The following BNC2 variants were observed in gnomAD, a reference collection of about 807,000 sequenced individuals.
BNC2 encodes the protein basonuclin zinc finger protein 2.
A neutral mutation model predicts 76.3 loss-of-function variants in BNC2; 20 were observed. The ratio of observed to expected loss-of-function variants is 0.26; its 90% CI spans 0.18 to 0.38. The LOEUF (loss-of-function observed/expected upper bound fraction) is 0.38, where lower values mean the gene tolerates loss of function less well. Ranked by LOEUF, BNC2 falls within the 10% of genes least tolerant of loss-of-function variation. The probability of loss-of-function intolerance (pLI) is 1.00; values close to 1 mark genes in which losing one functional copy is unlikely to be tolerated. For synonymous variants in BNC2, 582 were observed against 514.8 expected, an observed-to-expected ratio of 1.13 and a Z score of -1.77; for missense variants, 1,382 against 1,399.8, an observed-to-expected ratio of 0.99 and a Z score of 0.20.
intron 3 of BNC2, among the ~76,000 whole-genome samples, chr9:16,708,502 G>C (rs1037797934): frequency 6.6e-6 from 1 of 152,068 alleles, no homozygotes; most frequent in African/African-American, 2.4e-5. Context: ...GCAGTTAACA[G>C]ACACCAACCC....
chr9:16,787,878 T>C (rs181824822), intron 1 of BNC2, among the ~76,000 whole-genome samples: 6 of 152,244 alleles, frequency 3.9e-5, no homozygotes, highest in Admixed American at 3.3e-4. Flanking sequence ...AAGCACAGAA[T>C]TATTTCCTTA....
At chr9:16,669,150 A>G (rs1300483376) in intron 3 of BNC2, among the ~76,000 whole-genome samples, 1 of 152,226 alleles carries the variant, frequency 6.6e-6, no homozygotes, top group Non-Finnish European at 1.5e-5. Flanking sequence ...TTATAATGTA[A>G]CTATAAGTTG....
At chr9:16,817,542 G>A (rs1818215227) in intron 1 of BNC2, among the ~76,000 whole-genome samples, 1 of 152,154 alleles carries the variant, frequency 6.6e-6, no homozygotes, top group African/African-American at 2.4e-5. Flanking sequence ...AATAAAAAAG[G>A]TGAAGAGGCA....
chr9:16,522,807 A>G (rs1454608893), intron 5 of BNC2, among the ~76,000 whole-genome samples: 1 of 152,150 alleles, frequency 6.6e-6, no homozygotes, highest in African/African-American at 2.4e-5. Flanking sequence ...CCTGCTCCAC[A>G]GGCACTTTAT....
At chr9:16,865,701 A>G (rs12379183) in intron 1 of BNC2, among the ~76,000 whole-genome samples, 39,092 of 152,058 alleles carry the variant, frequency 0.26, 5,193 homozygotes, top group African/African-American at 0.31. Context: ...CAAAACTGAT[A>G]TTGTTATGTA....
chr9:16,665,591 T>C (rs991681304), intron 3 of BNC2, among the ~76,000 whole-genome samples: 2 of 152,230 alleles, frequency 1.3e-5, no homozygotes, highest in African/African-American at 4.8e-5. Flanking sequence ...CACTATTTTA[T>C]GCTACTAAGC....
intron 2 of BNC2, among the ~76,000 whole-genome samples, chr9:16,733,551 C>G (rs1272422738): frequency 6.9e-6 from 1 of 144,516 alleles, no homozygotes; most frequent in Non-Finnish European, 1.5e-5. Flanking sequence ...TCCTCCCGCC[C>G]AAAAAAAAAA....
chr9:16,657,427 TGA>T (rs1188142883), intron 3 of BNC2, among the ~76,000 whole-genome samples: 6 of 152,108 alleles, frequency 3.9e-5, no homozygotes, highest in Non-Finnish European at 8.8e-5. Flanking sequence ...ATGCTTCAGA[TGA>T]GAGGTCAGCG....
At chr9:16,799,162 A>G (rs1241948481) in intron 1 of BNC2, among the ~76,000 whole-genome samples, 2 of 152,186 alleles carry the variant, frequency 1.3e-5, no homozygotes, top group Non-Finnish European at 2.9e-5. Context: ...CTAGCTGTAG[A>G]AAATATAAAA....
intron 5 of BNC2, among the ~76,000 whole-genome samples, chr9:16,520,147 C>T (rs1165169485): frequency 1.3e-5 from 2 of 152,158 alleles, no homozygotes; most frequent in Admixed American, 6.5e-5. Flanking sequence ...AGGAGGCCTA[C>T]GAGGAAACCT....
chr9:16,727,765 G>GAA, intron 3 of BNC2, 32 bp downstream of exon 3: 3 of 1,504,974 alleles, frequency 2.0e-6, no homozygotes, highest in South Asian at 1.2e-5. Context: ...TTAAAAAAAA[G>GAA]AAAAAAAAAA....
In BNC2 at chr9:16,861,679, A is replaced by T. The variant is rs145775061; in HGVS notation, c.3+8967T>A. 7.4e-3 allele frequency among the ~76,000 whole-genome samples: 1,130 copies of T among 152,204 alleles called. 11 individuals are homozygous for T. Among genetic ancestry groups the T allele is most frequent in the African/African-American group, 0.025 (1,047 of 41,540 alleles). ...AAGATACTACTTCACACCCACTAAGATCTGTAAAAATAAAAAGACAATAAC... is the reference window on the plus strand; with the variant it reads ...AAGATACTACTTCACACCCACTAAGTTCTGTAAAAATAAAAAGACAATAAC... On this transcript the variant is annotated intron_variant, in intron 1 of 6. Transcript: ENST00000380672.
intron 3 of BNC2, among the ~76,000 whole-genome samples, chr9:16,645,052 T>C (rs1821585648): frequency 6.6e-6 from 1 of 152,230 alleles, no homozygotes; most frequent in Non-Finnish European, 1.5e-5. Flanking sequence ...CATTCCTGAC[T>C]GCTGTCATAA....
rs1295506919 is a variant in BNC2 at position 16,552,725 on chromosome 9, G to A, written c.474C>T (p.Thr158=). 5 of 1,614,162 alleles carry A rather than the reference G, an allele frequency of 3.1e-6. No homozygotes were observed. The highest frequency in any genetic ancestry group is 4.2e-6 in the Non-Finnish European group (5 of 1,180,036). The change falls in exon 5 of 7, where the codon ACC becomes ACT. Residue 158 remains threonine, a synonymous_variant. Coordinates refer to ENST00000380672, the MANE Select transcript of BNC2 (RefSeq NM_017637.6). ...KLSTQHLYHP[T]QVEIVQSNVV... ...CGTTGGACTGCACAATCTCCACTTG[G>A]GTGGGGTGGTACAGGTGCTGCGTGC...
At chr9:16,635,822 T>C (rs1365701315) in intron 3 of BNC2, among the ~76,000 whole-genome samples, 3 of 152,206 alleles carry the variant, frequency 2.0e-5, no homozygotes, top group African/African-American at 7.2e-5. Flanking sequence ...TAAAGGTTTC[T>C]TCAACACAGA....
chr9:16,867,079 T>C (rs1819561559), intron 1 of BNC2, among the ~76,000 whole-genome samples: 1 of 152,168 alleles, frequency 6.6e-6, no homozygotes, highest in Non-Finnish European at 1.5e-5. Flanking sequence ...GATTAAACCA[T>C]ACGACATAAA....
intron 6 of BNC2, among the ~76,000 whole-genome samples, chr9:16,427,371 T>C (rs1430577799): frequency 1.3e-5 from 2 of 152,196 alleles, no homozygotes; most frequent in Non-Finnish European, 2.9e-5. Context: ...TGATTACTGA[T>C]ATGTGTGTTT....
chr9:16,752,753 T>A (rs1265290536), intron 1 of BNC2, among the ~76,000 whole-genome samples: 4 of 152,166 alleles, frequency 2.6e-5, no homozygotes, highest in Non-Finnish European at 5.9e-5. Context: ...GAAAATACAA[T>A]AACTTGCCGT....
chr9:16,600,131 C>A (rs540951487), intron 3 of BNC2, among the ~76,000 whole-genome samples: 4 of 152,204 alleles, frequency 2.6e-5, no homozygotes, highest in Non-Finnish European at 2.9e-5. Flanking sequence ...ATTTATGACA[C>A]TGAACATCAG....
Sources: gnomAD v4.1 joint callset for allele counts (sites outside exome capture counted in the v4.1 genomes callset) on GRCh38, gnomAD v4.1.1 for gene constraint, MANE v1.5 for transcripts, NCBI Gene and HGNC (gene_info 2026-07-23, HGNC 2026-07-21) for gene names.